Variants in SBF2 observed in about 807,000 individuals in gnomAD.
SBF2 encodes the protein myotubularin-related protein 13.
A neutral mutation model predicts 225.2 loss-of-function variants in SBF2; 112 were observed. The ratio of observed to expected loss-of-function variants is 0.50; its 90% CI spans 0.43 to 0.58. SBF2 has a LOEUF of 0.58. SBF2 is among the 20% of genes least tolerant of loss of function. SBF2 has a pLI of 0.00. For synonymous variants in SBF2, 763 were observed against 773.3 expected (o/e 0.99, Z 0.22); for missense variants, 1,996 against 2,206.2 (o/e 0.90, Z 1.91).
chr11:9,979,810 CTTTTT>C (rs933648882), intron 13 of SBF2, among the ~76,000 whole-genome samples: 1 of 137,214 alleles, frequency 7.3e-6, no homozygotes, highest in Non-Finnish European at 1.6e-5. Context: ...TTAAATTCAT[CTTTTT>C]TTTTTTTTTT....
intron 6 of SBF2, among the ~76,000 whole-genome samples, chr11:10,007,903 T>C (rs144389614): frequency 3.9e-5 from 6 of 152,364 alleles, no homozygotes; most frequent in African/African-American, 1.4e-4. Context: ...TGGGACTTTA[T>C]GGAGGACCCT....
intron 2 of SBF2, among the ~76,000 whole-genome samples, chr11:10,151,343 A>G (rs1380034261): frequency 6.6e-6 from 1 of 152,178 alleles, no homozygotes. Flanking sequence ...ATATCCATTG[A>G]TATCTTTAAT....
intron 2 of SBF2, among the ~76,000 whole-genome samples, chr11:10,163,132 C>T (rs1955822214): frequency 1.3e-5 from 2 of 152,104 alleles, no homozygotes; most frequent in African/African-American, 4.8e-5. Context: ...GCTGAAATCA[C>T]AACTCTGAAC....
chr11:9,887,068 TTAG>T (rs1417785357), intron 17 of SBF2, among the ~76,000 whole-genome samples: 1 of 152,006 alleles, frequency 6.6e-6, no homozygotes, highest in Non-Finnish European at 1.5e-5. Flanking sequence ...AGAAATAGTC[TTAG>T]TAGGCTGCCT....
At chr11:9,820,289 G>A (rs1166489804) in intron 28 of SBF2, among the ~76,000 whole-genome samples, 4 of 152,150 alleles carry the variant, frequency 2.6e-5, no homozygotes, top group Admixed American at 1.3e-4. Context: ...CACTCCTTTG[G>A]AAGCAGAAAA....
At chr11:9,973,832 A>C (rs899847266) in intron 13 of SBF2, among the ~76,000 whole-genome samples, 11 of 152,224 alleles carry the variant, frequency 7.2e-5, no homozygotes, top group African/African-American at 2.4e-4. Context: ...CACCTTGGGA[A>C]AAAGAAAATT....
intron 2 of SBF2, among the ~76,000 whole-genome samples, chr11:10,184,884 G>A (rs778805590): frequency 5.3e-5 from 8 of 151,976 alleles, no homozygotes; most frequent in Non-Finnish European, 1.2e-4. Context: ...CCACCACCAC[G>A]CCCGGCTAAT....
intron 2 of SBF2, among the ~76,000 whole-genome samples, chr11:10,059,250 G>A (rs1397776988): frequency 6.6e-6 from 1 of 152,060 alleles, no homozygotes; most frequent in Non-Finnish European, 1.5e-5. Flanking sequence ...AAGACTCAAT[G>A]ATATGTTGTC....
intron 2 of SBF2, among the ~76,000 whole-genome samples, chr11:10,071,502 G>A (rs1173866760): frequency 2.6e-5 from 4 of 151,994 alleles, no homozygotes; most frequent in South Asian, 2.1e-4. Flanking sequence ...TCCCAACCTC[G>A]TGATCCACCT....
chr11:9,854,445 ACTTCT>A (rs1291680611), intron 19 of SBF2, among the ~76,000 whole-genome samples: 2 of 152,104 alleles, frequency 1.3e-5, no homozygotes, highest in African/African-American at 4.8e-5. Flanking sequence ...GTTCCTATTA[ACTTCT>A]CTTTTCTGCA....
In SBF2 at chr11:9,961,761, C is replaced by G; in HGVS notation, c.1860+196G>C. The G allele has an allele frequency of 7.8e-6, 4 of 511,572 alleles. No individual in the cohort carries two copies. The South Asian group carries it at 1.2e-4, about 15-fold the overall frequency. The allele number at this position is 511,572 out of a possible 1,614,324, so 31.7% of individuals were successfully genotyped here. A position where few individuals can be genotyped will look rare whatever the true frequency, so the allele number is the denominator to read the frequency against. On this transcript the variant is annotated intron_variant, in intron 16 of 39. Coordinates refer to ENST00000256190, the MANE Select transcript of SBF2 (RefSeq NM_030962.4). ...TAATCTAGCATTTTCAAAGAGAAAA[C>G]AAAGAAAGAACAAAAACTCTTAATA...
chr11:10,093,974 A>G (rs918551108), intron 2 of SBF2, among the ~76,000 whole-genome samples: 1 of 152,224 alleles, frequency 6.6e-6, no homozygotes, highest in Non-Finnish European at 1.5e-5. Context: ...ACAAACAAGG[A>G]TATTTGGTAA....
At chr11:10,163,848 C>T (rs970004252) in intron 2 of SBF2, among the ~76,000 whole-genome samples, 1 of 152,186 alleles carries the variant, frequency 6.6e-6, no homozygotes, top group Non-Finnish European at 1.5e-5. Flanking sequence ...CCCAAGGTCA[C>T]AGTGTTACCA....
At chr11:10,097,055 T>G (rs1301003744) in intron 2 of SBF2, among the ~76,000 whole-genome samples, 1 of 152,216 alleles carries the variant, frequency 6.6e-6, no homozygotes, top group African/African-American at 2.4e-5. Context: ...TTATCAACAA[T>G]GTGATAGTAT....
At chr11:9,918,662 C>T (rs78747907) in intron 16 of SBF2, among the ~76,000 whole-genome samples, 2,416 of 152,266 alleles carry the variant, frequency 0.016, 42 homozygotes, top group East Asian at 0.094. Flanking sequence ...TGAGCCACTA[C>T]GCCTGGCCCC....
intron 1 of SBF2, among the ~76,000 whole-genome samples, chr11:10,215,648 C>G (rs1958101845): frequency 7.0e-6 from 1 of 142,226 alleles, no homozygotes; most frequent in African/African-American, 2.7e-5. Context: ...AAACCATGTA[C>G]CTCTTATGAT....
intron 3 of SBF2, among the ~76,000 whole-genome samples, chr11:10,042,556 C>T (rs1949693830): frequency 1.3e-5 from 2 of 152,188 alleles, no homozygotes; most frequent in Admixed American, 1.3e-4. Context: ...GGGAAAATCA[C>T]AGGTTCACCA....
chr11:9,812,736 C>T lies in SBF2; in HGVS notation c.3979-28G>A, dbSNP rs764462942. 6 of 1,610,088 alleles carry T rather than the reference C, an allele frequency of 3.7e-6. No individual in the cohort carries two copies. The African/African-American group carries it at 6.7e-5, about 18-fold the overall frequency. On this transcript the variant is annotated intron_variant, in intron 29 of 39. Transcript: ENST00000256190. Reference sequence around the variant, plus strand: ...GCGGATGAAGATTCAGAGAATTAGGCAGATGAAGTGCTATAGGTAAAAGAG... The same window carrying T: ...GCGGATGAAGATTCAGAGAATTAGGTAGATGAAGTGCTATAGGTAAAAGAG...
intron 2 of SBF2, among the ~76,000 whole-genome samples, chr11:10,120,682 G>A (rs551231000): frequency 1.3e-5 from 2 of 152,154 alleles, no homozygotes; most frequent in East Asian, 1.9e-4. Flanking sequence ...GTGCAGTGGC[G>A]TGATCTCAGC....
Sources: allele counts gnomAD v4.1 joint callset (sites outside exome capture counted in the v4.1 genomes callset), GRCh38; gene constraint gnomAD v4.1.1; transcripts MANE v1.5; gene names NCBI Gene and HGNC (gene_info 2026-07-23, HGNC 2026-07-21).